CDH22: variants seen among roughly 807,000 people sequenced by gnomAD.
The protein encoded by CDH22 is cadherin-22.
In CDH22, 30 loss-of-function variants were observed where a neutral mutation model predicts 58.4. That is an observed-to-expected ratio of 0.51 (90% CI 0.38 to 0.70). The LOEUF (loss-of-function observed/expected upper bound fraction) is 0.70. Among genes scored for constraint, CDH22 ranks in the 30% least tolerant of loss-of-function variants. The pLI is 0.00. For missense variants in CDH22, 1,014 were observed against 1,233.9 expected, an observed-to-expected ratio of 0.82 and a Z score of 2.67; for synonymous variants, 513 against 558.2, an observed-to-expected ratio of 0.92 and a Z score of 1.14.
chr20:46,197,836 C>T (rs1251797576), intron 8 of CDH22, among the ~76,000 whole-genome samples: 1 of 152,110 alleles, frequency 6.6e-6, no homozygotes, highest in Non-Finnish European at 1.5e-5. Context: ...CTAGGGACTT[C>T]CTTGACCCCA....
At chr20:46,242,234 G>T (rs1600713203) in intron 2 of CDH22, among the ~76,000 whole-genome samples, 1 of 152,276 alleles carries the variant, frequency 6.6e-6, no homozygotes, top group Non-Finnish European at 1.5e-5. Flanking sequence ...TCCTAATGAA[G>T]ATTGGAGAAG....
At position 46,202,574 on chromosome 20, in the gene CDH22, C is replaced by T. The variant is rs560794443; in HGVS notation, c.1287-3015G>A. Among the ~76,000 whole-genome samples, 7 of 152,192 alleles carry T rather than the reference C, an allele frequency of 4.6e-5. No individual in the cohort carries two copies. The East Asian group carries it at 1.2e-3, about 25-fold the overall frequency. On this transcript the variant is annotated intron_variant, in intron 7 of 11. Transcript: ENST00000537909. The stretch of plus-strand genomic sequence containing the variant: ...TTCACCTTGTTAGCCAGGATGGTCT[C>T]AATCTCCTGACCTTGTGATCCGCCC...
At chr20:46,248,497 C>A (rs1389621187) in intron 2 of CDH22, among the ~76,000 whole-genome samples, 1 of 152,142 alleles carries the variant, frequency 6.6e-6, no homozygotes, top group African/African-American at 2.4e-5. Context: ...TGGGGTTGAC[C>A]TCTTCTCTTT....
intron 10 of CDH22, among the ~76,000 whole-genome samples, chr20:46,186,202 C>CAA (rs57944745): frequency 0.022 from 1,790 of 81,060 alleles, 50 homozygotes; most frequent in African/African-American, 0.066. Flanking sequence ...GACCCTGTCT[C>CAA]AAAAAAAAAA....
chr20:46,197,662 T>C (rs1250825020), intron 8 of CDH22, among the ~76,000 whole-genome samples: 1 of 152,106 alleles, frequency 6.6e-6, no homozygotes, highest in Admixed American at 6.6e-5. Flanking sequence ...GGAGCTCTCT[T>C]CCCCCAAGTC....
At chr20:46,252,999 G>A (rs879274201) in intron 1 of CDH22, among the ~76,000 whole-genome samples, 2 of 152,224 alleles carry the variant, frequency 1.3e-5, no homozygotes, top group Non-Finnish European at 2.9e-5. Context: ...TGGTGGCTGA[G>A]TGGTCTGGCC....
intron 1 of CDH22, among the ~76,000 whole-genome samples, chr20:46,272,870 T>C (rs550319855): frequency 6.6e-6 from 1 of 152,352 alleles, no homozygotes; most frequent in African/African-American, 2.4e-5. Context: ...ATGTTGGCCA[T>C]TGTACTTGAA....
At chr20:46,245,841 G>A (rs1242799042) in intron 2 of CDH22, among the ~76,000 whole-genome samples, 3 of 152,072 alleles carry the variant, frequency 2.0e-5, no homozygotes, top group Admixed American at 2.0e-4. Context: ...GTGCATCAGA[G>A]CTTACTCTCT....
rs984732554 is a variant in CDH22 at position 46,300,161 on chromosome 20, A to C, written c.-400+8094T>G. Among the ~76,000 whole-genome samples the C allele has an allele frequency of 6.6e-6, 1 of 152,084 alleles. No homozygotes were observed. The highest frequency in any genetic ancestry group is 1.5e-5 in the Non-Finnish European group (1 of 68,008). On this transcript the variant is annotated intron_variant, in intron 1 of 11. Coordinates refer to ENST00000537909, the MANE Select transcript of CDH22 (RefSeq NM_021248.3). This position sits in a 1 kb window ranked among gnomAD's most constrained non-coding sequence, Gnocchi z 4.4. ...AAAGGCCCTTTCAACTCCAAAATGCATAACCCTAAACACAGCCACTTGGAT... is the reference window on the plus strand; with the variant it reads ...AAAGGCCCTTTCAACTCCAAAATGCCTAACCCTAAACACAGCCACTTGGAT...
At chr20:46,189,053 T>C (rs1259711203) in intron 8 of CDH22, among the ~76,000 whole-genome samples, 1 of 151,972 alleles carries the variant, frequency 6.6e-6, no homozygotes, top group Admixed American at 6.6e-5. Flanking sequence ...CGGCAGCTGC[T>C]CACGTGTTGA....
intron 10 of CDH22, among the ~76,000 whole-genome samples, chr20:46,184,600 G>A (rs1031686609): frequency 5.9e-5 from 9 of 152,106 alleles, no homozygotes; most frequent in African/African-American, 2.2e-4. Context: ...TATAAACTAG[G>A]TTTTGTTGTG....
intron 3 of CDH22, 46 bp downstream of exon 3, chr20:46,240,917 G>T: frequency 6.5e-7 from 1 of 1,540,738 alleles, no homozygotes; most frequent in South Asian, 1.2e-5. Flanking sequence ...GCTCCACTTG[G>T]GGATCACCTT....
intron 5 of CDH22, among the ~76,000 whole-genome samples, chr20:46,214,639 ACTCT>A (rs2086069809): frequency 1.3e-5 from 2 of 150,902 alleles, no homozygotes; most frequent in Admixed American, 6.6e-5. Flanking sequence ...CAACTGACTC[ACTCT>A]CTCTCACCTC....
At chr20:46,240,913 C>T (rs1376033049) in intron 3 of CDH22, 50 bp downstream of exon 3, 1 of 1,520,998 alleles carries the variant, frequency 6.6e-7, no homozygotes, top group Non-Finnish European at 9.0e-7. Context: ...GCAGGCTCCA[C>T]TTGGGGATCA....
At chr20:46,253,655 T>C (rs1453170307) in intron 1 of CDH22, among the ~76,000 whole-genome samples, 5 of 152,148 alleles carry the variant, frequency 3.3e-5, no homozygotes, top group Admixed American at 3.3e-4. Flanking sequence ...CTGGTCGTAA[T>C]GAGACTGGAG....
At chr20:46,222,921 G>A (rs1600703457) in intron 4 of CDH22, among the ~76,000 whole-genome samples, 2 of 152,352 alleles carry the variant, frequency 1.3e-5, no homozygotes, top group South Asian at 2.1e-4. Context: ...ACTGTACCTC[G>A]CAGCAGCTGC....
rs183193402 is a variant in CDH22, at chr20:46,235,585, G to T, written c.550+5378C>A. Among the ~76,000 whole-genome samples the T allele has an allele frequency of 3.3e-3, 501 of 152,230 alleles. 8 individuals carry two copies. The highest frequency in any genetic ancestry group is 2.0e-3 in the Non-Finnish European group (137 of 68,030). ...TTGTTCTGCAAACTTGCTCTTCCTG[G>T]AGCAGTCCCCATCTCAGCCGCAGTA... is the stretch of plus-strand genomic sequence containing the variant. On this transcript the variant is annotated intron_variant, in intron 3 of 11. Coordinates refer to ENST00000537909, the MANE Select transcript of CDH22 (RefSeq NM_021248.3).
chr20:46,272,763 C>T (rs552324224), intron 1 of CDH22, among the ~76,000 whole-genome samples: 23 of 152,274 alleles, frequency 1.5e-4, no homozygotes, highest in Admixed American at 8.5e-4. Context: ...CTGTAAGTCC[C>T]ATGAAACAAG....
intron 2 of CDH22, among the ~76,000 whole-genome samples, chr20:46,245,438 TAA>T (rs772094280): frequency 1.6e-4 from 24 of 152,210 alleles, no homozygotes; most frequent in East Asian, 9.6e-4. Flanking sequence ...AGGTATGGAC[TAA>T]GTTAGGTTTG....
Sources: gnomAD v4.1 joint callset for allele counts (sites outside exome capture counted in the v4.1 genomes callset) on GRCh38, gnomAD v4.1.1 for gene constraint, Gnocchi (gnomAD v3.1) non-coding constraint, MANE v1.5 for transcripts, NCBI Gene and HGNC (gene_info 2026-07-23, HGNC 2026-07-21) for gene names.